ZFAND3: variants seen among roughly 807,000 people sequenced by gnomAD.
ZFAND3 encodes the protein AN1-type zinc finger protein 3.
A neutral mutation model predicts 29.6 loss-of-function variants in ZFAND3; 10 were observed. The observed-to-expected ratio is 0.34, with a 90% CI of 0.21 to 0.57. ZFAND3 has a LOEUF of 0.57. ZFAND3 is among the 20% of genes least tolerant of loss of function. ZFAND3 has a pLI of 0.86. For synonymous variants in ZFAND3, 128 were observed against 112.6 expected, an observed-to-expected ratio of 1.14 and a Z score of -0.87; for missense variants, 230 against 304.5, an observed-to-expected ratio of 0.76 and a Z score of 1.82.
In ZFAND3 at chr6:38,041,681, T is replaced by TCTTCTTCTC. The variant is rs1561976775; in HGVS notation, c.113-19907_113-19906insTCTCCTTCT. Among the ~76,000 whole-genome samples, 9 of 13,738 alleles carry TCTTCTTCTC rather than the reference T, an allele frequency of 6.6e-4. 1 individual carries two copies. Among genetic ancestry groups the TCTTCTTCTC allele is most frequent in the African/African-American group, 8.8e-4 (4 of 4,532 alleles). The allele number at this position is 13,738 out of a possible 152,430, so 9.0% of individuals were successfully genotyped here. A position where few individuals can be genotyped will look rare whatever the true frequency, so the allele number is the denominator to read the frequency against. ...TTCTTCTTCTTCTTCTTCTTCTTCT[T>TCTTCTTCTC]CTTCTCCTTCTCCTTCTCCTCCTCC... On this transcript the variant is annotated intron_variant, in intron 2 of 5. Coordinates refer to ENST00000287218, the MANE Select transcript of ZFAND3 (RefSeq NM_021943.3).
intron 2 of ZFAND3, among the ~76,000 whole-genome samples, chr6:37,994,050 C>T (rs990657427): frequency 1.9e-4 from 29 of 151,900 alleles, no homozygotes; most frequent in Admixed American, 1.3e-3. Context: ...TTTAAAAAAA[C>T]GATTTTTACA....
intron 2 of ZFAND3, among the ~76,000 whole-genome samples, chr6:38,010,543 T>A (rs1229965761): frequency 6.6e-6 from 1 of 152,154 alleles, no homozygotes; most frequent in Admixed American, 6.5e-5. Context: ...TGCCCTGGTC[T>A]ATGACAAACA....
At chr6:37,953,626 A>AT (rs1339415477) in intron 2 of ZFAND3, among the ~76,000 whole-genome samples, 3 of 150,168 alleles carry the variant, frequency 2.0e-5, no homozygotes, top group Admixed American at 6.6e-5. Flanking sequence ...ATTTTTTTTT[A>AT]TTTTTTGTAG....
At chr6:37,950,336 G>T (rs1418087880) in intron 2 of ZFAND3, among the ~76,000 whole-genome samples, 1 of 145,008 alleles carries the variant, frequency 6.9e-6, no homozygotes, top group Non-Finnish European at 1.5e-5. Flanking sequence ...AGTACTGTTT[G>T]TTAAATTGGG....
chr6:38,041,443 C>G (rs1480998163), intron 2 of ZFAND3, among the ~76,000 whole-genome samples: 3 of 149,518 alleles, frequency 2.0e-5, no homozygotes, highest in Non-Finnish European at 4.5e-5. Flanking sequence ...AGAGCTTTTT[C>G]TTCTCCCTCA....
intron 2 of ZFAND3, among the ~76,000 whole-genome samples, chr6:38,043,793 C>T (rs188211031): frequency 2.7e-5 from 4 of 148,844 alleles, no homozygotes; most frequent in African/African-American, 9.9e-5. Flanking sequence ...TGCTTGCTTG[C>T]TCGCTTGCTT....
intron 1 of ZFAND3, among the ~76,000 whole-genome samples, chr6:37,909,306 GTCTT>G (rs751355781): frequency 2.0e-5 from 3 of 147,442 alleles, no homozygotes; most frequent in Non-Finnish European, 4.5e-5. Context: ...TTGAGACGGA[GTCTT>G]GCTCTGTCGC....
intron 2 of ZFAND3, among the ~76,000 whole-genome samples, chr6:38,025,814 T>C (rs1197733655): frequency 1.3e-5 from 2 of 152,168 alleles, no homozygotes; most frequent in South Asian, 2.1e-4. Context: ...ATGTCCAAAA[T>C]AGGCAGATCT....
At chr6:38,024,077 C>A (rs1763400922) in intron 2 of ZFAND3, among the ~76,000 whole-genome samples, 1 of 152,182 alleles carries the variant, frequency 6.6e-6, no homozygotes, top group South Asian at 2.1e-4. Context: ...TATTGACCAA[C>A]TGTAGAAATC....
chr6:38,112,315 C>A (rs1052265688), intron 4 of ZFAND3, among the ~76,000 whole-genome samples: 1 of 152,186 alleles, frequency 6.6e-6, no homozygotes, highest in African/African-American at 2.4e-5. Flanking sequence ...GCTTTGTTGG[C>A]CCTTTATGAA....
chr6:38,054,584 G>A (rs9470755), intron 2 of ZFAND3, among the ~76,000 whole-genome samples: 7 of 152,072 alleles, frequency 4.6e-5, no homozygotes, highest in East Asian at 1.9e-4. Flanking sequence ...AGAAGGAATC[G>A]CCATGAGAGG....
intron 2 of ZFAND3, among the ~76,000 whole-genome samples, chr6:38,060,195 A>C (rs1764207538): frequency 6.6e-6 from 1 of 152,076 alleles, no homozygotes; most frequent in South Asian, 2.1e-4. Context: ...TATATGCGGG[A>C]GTTCTGAAAC....
chr6:38,054,578 G>A (rs1764097671), intron 2 of ZFAND3, among the ~76,000 whole-genome samples: 1 of 152,010 alleles, frequency 6.6e-6, no homozygotes, highest in South Asian at 2.1e-4. Flanking sequence ...TTAAAGAGAA[G>A]GAATCGCCAT....
chr6:37,880,544 G>C (rs1469341610), intron 1 of ZFAND3, among the ~76,000 whole-genome samples: 1 of 152,056 alleles, frequency 6.6e-6, no homozygotes, highest in African/African-American at 2.4e-5. Context: ...TACCCCCTCT[G>C]AACCAAATTT....
chr6:37,852,599 C>G, intron 1 of ZFAND3, among the ~76,000 whole-genome samples: 1 of 152,202 alleles, frequency 6.6e-6, no homozygotes, highest in East Asian at 1.9e-4. Flanking sequence ...TCTGCCACCT[C>G]TTATATTTAC....
At chr6:38,044,247 G>A (rs1049609176) in intron 2 of ZFAND3, among the ~76,000 whole-genome samples, 1 of 152,092 alleles carries the variant, frequency 6.6e-6, no homozygotes, top group African/African-American at 2.4e-5. Flanking sequence ...TACACCCATA[G>A]CAGTACACTA....
At chr6:38,147,129 C>T (rs1766127617) in intron 5 of ZFAND3, among the ~76,000 whole-genome samples, 1 of 152,158 alleles carries the variant, frequency 6.6e-6, no homozygotes, top group South Asian at 2.1e-4. Context: ...CTTTAATCCA[C>T]TTCTCTTCAT....
chr6:38,132,780 G>A (rs1484967132), intron 5 of ZFAND3, among the ~76,000 whole-genome samples: 3 of 151,800 alleles, frequency 2.0e-5, no homozygotes, highest in African/African-American at 7.3e-5. Flanking sequence ...GGCATCTCCT[G>A]TTGCTGGGCA....
chr6:38,007,079 C>T (rs1763063620), intron 2 of ZFAND3, among the ~76,000 whole-genome samples: 1 of 152,160 alleles, frequency 6.6e-6, no homozygotes, highest in South Asian at 2.1e-4. Context: ...AAGTGATGGA[C>T]ATACACTTGC....
Sources: allele counts gnomAD v4.1 joint callset (sites outside exome capture counted in the v4.1 genomes callset), GRCh38; gene constraint gnomAD v4.1.1; transcripts MANE v1.5; gene names NCBI Gene and HGNC (gene_info 2026-07-23, HGNC 2026-07-21).